The following STARD13 variants were observed in gnomAD, a reference collection of about 807,000 sequenced individuals.
STARD13 encodes the protein StAR related lipid transfer domain containing 13, also known as stAR-related lipid transfer protein 13.
A neutral mutation model predicts 106.4 loss-of-function variants in STARD13; 62 were observed. The ratio of observed to expected loss-of-function variants is 0.58; its 90% CI spans 0.48 to 0.72. STARD13 has a LOEUF of 0.72. Ranked by LOEUF, STARD13 falls within the 30% of genes least tolerant of loss-of-function variation. The pLI is 0.00. For missense variants in STARD13, 1,387 were observed against 1,424.0 expected, an observed-to-expected ratio of 0.97 and a Z score of 0.42; for synonymous variants, 565 against 553.0, an observed-to-expected ratio of 1.02 and a Z score of -0.31.
the STARD13 span, among the ~76,000 whole-genome samples, chr13:33,522,883 C>T: frequency 6.6e-6 from 1 of 152,112 alleles, no homozygotes; most frequent in African/African-American, 2.4e-5. Context: ...GGTTTTTTCT[C>T]TAGAAAATTA....
At chr13:33,610,303 A>T in the STARD13 span, among the ~76,000 whole-genome samples, 1 of 152,006 alleles carries the variant, frequency 6.6e-6, no homozygotes, top group African/African-American at 2.4e-5. Context: ...TCAAAGTCTT[A>T]CTTATTTAAG....
At position 33,131,658 on chromosome 13, in the gene STARD13, C is replaced by A. The variant is rs143682976; in HGVS notation, c.388-1369G>T. 3.6e-3 allele frequency among the ~76,000 whole-genome samples: 553 copies of A among 152,270 alleles called. 3 individuals are homozygous for A. Among genetic ancestry groups the A allele is most frequent in the Middle Eastern group, 0.014 (4 of 294 alleles). On this transcript the variant is annotated intron_variant, in intron 4 of 13. Transcript: ENST00000336934. ...TAAACATATTTATTCATATGTATAG[C>A]CTGTCCAATGCCAAGGACATAATAA... is the stretch of plus-strand genomic sequence containing the variant.
chr13:33,593,135 A>G, the STARD13 span, among the ~76,000 whole-genome samples: 1 of 152,158 alleles, frequency 6.6e-6, no homozygotes, highest in African/African-American at 2.4e-5. Context: ...CAGCCAGATT[A>G]TGGAGTAGAA....
chr13:33,267,466 G>A (rs566350392), intron 1 of STARD13, among the ~76,000 whole-genome samples: 6 of 152,238 alleles, frequency 3.9e-5, no homozygotes, highest in South Asian at 2.1e-4. Context: ...ACAGATGTCC[G>A]TTCCCGCACC....
At chr13:33,586,046 C>T in the STARD13 span, among the ~76,000 whole-genome samples, 1 of 151,854 alleles carries the variant, frequency 6.6e-6, no homozygotes, top group Non-Finnish European at 1.5e-5. Flanking sequence ...GTATTTAATG[C>T]CACTTAAGAA....
At chr13:33,270,600 C>T (rs1459996620) in intron 1 of STARD13, among the ~76,000 whole-genome samples, 3 of 152,196 alleles carry the variant, frequency 2.0e-5, no homozygotes, top group Non-Finnish European at 2.9e-5. Flanking sequence ...ATATCGATGA[C>T]TACCATGTTA....
the STARD13 span, among the ~76,000 whole-genome samples, chr13:33,663,345 G>A: frequency 2.3e-4 from 35 of 151,946 alleles, 1 homozygote; most frequent in East Asian, 6.6e-3. Flanking sequence ...AATTATTATG[G>A]ACAAAAAATA....
At chr13:33,316,832 CCCA>C (rs1893360057) in intron 1 of STARD13, among the ~76,000 whole-genome samples, 2 of 152,134 alleles carry the variant, frequency 1.3e-5, no homozygotes, top group Admixed American at 6.5e-5. Flanking sequence ...GGCATTTGTC[CCCA>C]CCACTCCTGT....
At chr13:33,344,841 C>T (rs1346793446), downstream of STARD13, among the ~76,000 whole-genome samples, 7 of 152,294 alleles carry the variant, frequency 4.6e-5, no homozygotes, top group Non-Finnish European at 1.0e-4. Context: ...TGGAATCAAA[C>T]ATATGGATTA....
chr13:33,630,992 G>T, the STARD13 span, among the ~76,000 whole-genome samples: 1 of 152,150 alleles, frequency 6.6e-6, no homozygotes, highest in Non-Finnish European at 1.5e-5. Flanking sequence ...ATATGAGCCT[G>T]CATTTAAAAA....
the STARD13 span, among the ~76,000 whole-genome samples, chr13:33,601,414 G>A: frequency 6.6e-6 from 1 of 152,034 alleles, no homozygotes; most frequent in Non-Finnish European, 1.5e-5. Flanking sequence ...GTCAAACTGC[G>A]CTAGCCCTGG....
the STARD13 span, among the ~76,000 whole-genome samples, chr13:33,590,104 A>C: frequency 7.9e-5 from 12 of 152,138 alleles, no homozygotes; most frequent in African/African-American, 2.7e-4. Context: ...AAAAATGCTC[A>C]TCATTAGTGG....
chr13:33,307,203 C>G (rs562943539), intron 1 of STARD13, among the ~76,000 whole-genome samples: 1 of 152,082 alleles, frequency 6.6e-6, no homozygotes, highest in Non-Finnish European at 1.5e-5. Flanking sequence ...TTTACACGGT[C>G]GGTGGGGATG....
At chr13:33,645,127 G>C in the STARD13 span, among the ~76,000 whole-genome samples, 1 of 152,060 alleles carries the variant, frequency 6.6e-6, no homozygotes, top group Non-Finnish European at 1.5e-5. Flanking sequence ...CCCTTGGCTG[G>C]CATTGTGACT....
chr13:33,151,825 G>A (rs1488820970), intron 3 of STARD13, among the ~76,000 whole-genome samples: 3 of 152,210 alleles, frequency 2.0e-5, no homozygotes, highest in Non-Finnish European at 4.4e-5. Context: ...GGGAGAGATG[G>A]CAGAGAGATG....
chr13:33,643,159 GCACACACACACACACACACACA>G, the STARD13 span, among the ~76,000 whole-genome samples: 51 of 139,818 alleles, frequency 3.6e-4, no homozygotes, highest in African/African-American at 1.3e-3. Context: ...CATAGAACAT[GCACACACACACACACACACACA>G]CACACACACA....
intron 2 of STARD13, among the ~76,000 whole-genome samples, chr13:33,166,991 C>A (rs1317719765): frequency 1.5e-5 from 2 of 135,266 alleles, no homozygotes; most frequent in Non-Finnish European, 3.0e-5. Flanking sequence ...CAGACTCTAT[C>A]TCAAAAAAAA....
At chr13:33,235,567 T>C (rs1889145815) in intron 1 of STARD13, among the ~76,000 whole-genome samples, 1 of 152,254 alleles carries the variant, frequency 6.6e-6, no homozygotes, top group South Asian at 2.1e-4. Context: ...TTTCGGTCTA[T>C]GTACTTAATA....
chr13:33,581,873 AT>A, the STARD13 span, among the ~76,000 whole-genome samples: 1 of 152,172 alleles, frequency 6.6e-6, no homozygotes, highest in South Asian at 2.1e-4. Context: ...AACATCTACT[AT>A]GTACTAGGCA....
Sources: allele counts gnomAD v4.1 joint callset (sites outside exome capture counted in the v4.1 genomes callset), GRCh38; gene constraint gnomAD v4.1.1; transcripts MANE v1.5; gene names NCBI Gene and HGNC (gene_info 2026-07-23, HGNC 2026-07-21).